The following ARHGEF10 variants were observed in gnomAD, a reference collection of about 807,000 sequenced individuals.
The protein encoded by ARHGEF10 is Rho guanine nucleotide exchange factor (GEF) 10.
In ARHGEF10, 140 loss-of-function variants were observed where a neutral mutation model predicts 147.4. The observed-to-expected ratio is 0.95, with a 90% confidence interval of 0.83 to 1.09. The LOEUF (loss-of-function observed/expected upper bound fraction) is 1.09, where lower values mean the gene tolerates loss of function less well. Ranked by LOEUF, ARHGEF10 falls within the 50% of genes least tolerant of loss-of-function variation. ARHGEF10 has a pLI of 0.00. For missense variants in ARHGEF10, 2,222 were observed against 1,752.7 expected (o/e 1.27, Z -4.78); for synonymous variants, 902 against 695.8 (o/e 1.30, Z -4.67).
chr8:1,846,974 T>C (rs566011549), intron 2 of ARHGEF10, among the ~76,000 whole-genome samples: 1 of 152,340 alleles, frequency 6.6e-6, no homozygotes, highest in South Asian at 2.1e-4. Context: ...AGTGTCCTCC[T>C]CAGTGGCTGC....
At chr8:1,826,356 G>GT (rs1256833265) in intron 1 of ARHGEF10, among the ~76,000 whole-genome samples, 1 of 150,136 alleles carries the variant, frequency 6.7e-6, no homozygotes, top group Non-Finnish European at 1.5e-5. Context: ...TTGTGTATGT[G>GT]TTTGTGTTTG....
intron 1 of ARHGEF10, among the ~76,000 whole-genome samples, chr8:1,841,806 A>C (rs2129049397): frequency 8.9e-6 from 1 of 112,786 alleles, no homozygotes; most frequent in Non-Finnish European, 2.1e-5. Context: ...AAACCTAGGA[A>C]CTGGGGCCGC....
At chr8:1,862,481 T>G (rs1806212914) in intron 4 of ARHGEF10, among the ~76,000 whole-genome samples, 1 of 152,268 alleles carries the variant, frequency 6.6e-6, no homozygotes, top group Admixed American at 6.5e-5. Flanking sequence ...CGGAGCTGTT[T>G]AGGCGACTCC....
intron 27 of ARHGEF10, among the ~76,000 whole-genome samples, chr8:1,947,694 C>A (rs1050899841): frequency 2.1e-5 from 3 of 141,910 alleles, no homozygotes; most frequent in Admixed American, 7.2e-5. Flanking sequence ...GCATTCAGCA[C>A]CCACCCTCTC....
chr8:1,841,098 AC>A (rs1189327789), intron 1 of ARHGEF10, among the ~76,000 whole-genome samples: 1 of 152,112 alleles, frequency 6.6e-6, no homozygotes, highest in African/African-American at 2.4e-5. Context: ...CGCATCAGCC[AC>A]CCGCCCTCAG....
intron 9 of ARHGEF10, among the ~76,000 whole-genome samples, chr8:1,882,334 G>T (rs1464037688): frequency 6.6e-6 from 1 of 152,198 alleles, no homozygotes; most frequent in Non-Finnish European, 1.5e-5. Flanking sequence ...TTTGACATTT[G>T]TGCATGTTAG....
At chr8:1,865,888 C>T (rs1806563901) in intron 5 of ARHGEF10, among the ~76,000 whole-genome samples, 1 of 152,204 alleles carries the variant, frequency 6.6e-6, no homozygotes, top group Admixed American at 6.5e-5. Context: ...ACGACTGATC[C>T]CTGGTGCATC....
At chr8:1,841,951 C>A (rs1212668669) in intron 1 of ARHGEF10, among the ~76,000 whole-genome samples, 1 of 83,506 alleles carries the variant, frequency 1.2e-5, no homozygotes, top group Middle Eastern at 5.7e-3. Flanking sequence ...GCGACCGGAA[C>A]TGGGGCCGCG....
intron 14 of ARHGEF10, among the ~76,000 whole-genome samples, chr8:1,897,047 G>T (rs189355818): frequency 6.6e-6 from 1 of 152,342 alleles, no homozygotes; most frequent in Admixed American, 6.5e-5. Flanking sequence ...ACAGTTTGCT[G>T]CACAATGAAC....
rs1812857876 is a variant in ARHGEF10, at chr8:1,928,522, C to T, written c.2793C>T (p.Arg931=). 9.9e-6 allele frequency: 16 copies of T among 1,614,240 alleles called. No individual in the cohort carries two copies. Among genetic ancestry groups the T allele is most frequent in the Non-Finnish European group, 1.4e-5 (16 of 1,180,052 alleles). ...KVIECFNVES[R]ILCMLYVPVE... ...TTGAGTGCTTCAACGTGGAATCTCGCATCCTGTGCATGCTGTACGTTCCCG... is the reference window on the plus strand; with the variant it reads ...TTGAGTGCTTCAACGTGGAATCTCGTATCCTGTGCATGCTGTACGTTCCCG... Residue 931 remains arginine (R), a synonymous_variant, in exon 24 of 29, where the codon CGC becomes CGT. Transcript: ENST00000349830.
chr8:1,946,717 C>T (rs567991297), intron 27 of ARHGEF10, among the ~76,000 whole-genome samples: 15 of 152,240 alleles, frequency 9.9e-5, no homozygotes, highest in East Asian at 3.9e-4. Context: ...ATTTATGATA[C>T]GTTGAAAAAA....
intron 6 of ARHGEF10, among the ~76,000 whole-genome samples, chr8:1,866,854 C>T (rs1281657476): frequency 6.6e-6 from 1 of 152,188 alleles, no homozygotes. Context: ...CTTTCTAGCA[C>T]AGGCTTTATT....
intron 1 of ARHGEF10, among the ~76,000 whole-genome samples, chr8:1,833,782 CCTGGCCG>C (rs1777462714): frequency 6.6e-6 from 1 of 152,222 alleles, no homozygotes; most frequent in Admixed American, 6.5e-5. Flanking sequence ...AGGAAGCCCT[CCTGGCCG>C]CTGACCCCCA....
chr8:1,903,614 A>G (rs1472714546), intron 16 of ARHGEF10, 163 bp downstream of exon 16: 4 of 807,304 alleles, frequency 5.0e-6, no homozygotes, highest in South Asian at 3.3e-5. Flanking sequence ...AGTCACACCA[A>G]TGTGGAAATT....
chr8:1,847,249 C>G (rs759791734), intron 2 of ARHGEF10, among the ~76,000 whole-genome samples: 1 of 152,146 alleles, frequency 6.6e-6, no homozygotes, highest in Non-Finnish European at 1.5e-5. Flanking sequence ...CAATTTCTGT[C>G]ATTCCTGGAA....
chr8:1,832,591 GACAGAGACAGGCAGAGGC>G (rs1803215364), intron 1 of ARHGEF10, among the ~76,000 whole-genome samples: 1 of 149,770 alleles, frequency 6.7e-6, no homozygotes, highest in South Asian at 2.2e-4. Flanking sequence ...CAGAGACAGA[GACAGAGACAGGCAGAGGC>G]AGAGACAGAG....
chr8:1,866,935 C>T lies in ARHGEF10; in HGVS notation c.622+333C>T, dbSNP rs912234380. On this transcript the variant is annotated intron_variant, in intron 6 of 28. Transcript: ENST00000349830. ...CAGCCATGGTCAGCCACCACCCACA[C>T]GCCCACCCTGCGCTTGCCTGTGATT... Among the ~76,000 whole-genome samples the T allele has an allele frequency of 3.3e-5, 5 of 152,060 alleles. No individual in the cohort carries two copies. In the South Asian group the frequency reaches 6.2e-4, roughly 19 times the overall value.
chr8:1,912,356 G>A (rs992033777), intron 18 of ARHGEF10, among the ~76,000 whole-genome samples: 2 of 151,048 alleles, frequency 1.3e-5, no homozygotes, highest in African/African-American at 2.4e-5. Flanking sequence ...TAGGAAGCTC[G>A]CCGTCCCTGC....
intron 18 of ARHGEF10, among the ~76,000 whole-genome samples, chr8:1,919,106 A>G (rs1811993976): frequency 7.0e-6 from 1 of 143,248 alleles, no homozygotes; most frequent in Non-Finnish European, 1.5e-5. Context: ...TCCGTGGGTG[A>G]TGGAGCTGTT....
Sources: allele counts gnomAD v4.1 joint callset (sites outside exome capture counted in the v4.1 genomes callset), GRCh38; gene constraint gnomAD v4.1.1; transcripts MANE v1.5; gene names NCBI Gene and HGNC (gene_info 2026-07-23, HGNC 2026-07-21).